The following TTC23L variants were observed in gnomAD, a reference collection of about 807,000 sequenced individuals.
TTC23L encodes the protein tetratricopeptide repeat domain 23 like, also known as tetratricopeptide repeat protein 23-like.
Under a neutral mutation model 48.1 loss-of-function variants are expected in TTC23L, and 42 were observed. That is an observed-to-expected ratio of 0.87 (90% confidence interval 0.68 to 1.13). TTC23L has a LOEUF of 1.13. Among genes scored for constraint, TTC23L ranks in the 50% most tolerant of loss-of-function variants. TTC23L has a pLI of 0.00. For missense variants in TTC23L, 391 were observed against 421.0 expected (o/e 0.93, Z 0.62); for synonymous variants, 159 against 157.2 (o/e 1.01, Z -0.09).
intron 8 of TTC23L, among the ~76,000 whole-genome samples, chr5:34,870,504 T>TTCACCGGGGAATTCTG (rs1761379588): frequency 6.6e-6 from 1 of 152,152 alleles, no homozygotes; most frequent in South Asian, 2.1e-4. Context: ...CCCAGATGAT[T>TTCACCGGGGAATTCTG]TCACCGGGGA....
Position 34,845,582 on chromosome 5 carries a change from A to T in TTC23L, c.164A>T (p.Glu55Val), listed in dbSNP as rs2150347770. 1 of 1,614,038 alleles carries T rather than the reference A, an allele frequency of 6.2e-7. No homozygotes were observed. The change falls in exon 3 of 11, where the codon GAG becomes GTG. Residue 55 changes from glutamate (E) to valine (V), a missense_variant. Physicochemically the swap from Glu to Val is moderately radical, Grantham distance 121. Transcript: ENST00000505624. ...AGTGAAGAGGAAACTAAAGCTAAAG[A>T]GAAGGAGAAGGCCATAGACTGTATG...
intron 4 of TTC23L, among the ~76,000 whole-genome samples, chr5:34,855,847 G>C (rs528771161): frequency 6.6e-6 from 1 of 152,116 alleles, no homozygotes; most frequent in Non-Finnish European, 1.5e-5. Context: ...AACACCAAAG[G>C]GTACACAAGA....
chr5:34,894,883 A>ATG (rs1561160710), intron 9 of TTC23L, among the ~76,000 whole-genome samples: 7,920 of 150,920 alleles, frequency 0.052, 294 homozygotes, highest in South Asian at 0.11. Context: ...TGAGAGTGTT[A>ATG]ATGATGATGA....
chr5:34,857,145 A>G (rs897537488), intron 4 of TTC23L, among the ~76,000 whole-genome samples: 2 of 152,204 alleles, frequency 1.3e-5, no homozygotes, highest in Non-Finnish European at 2.9e-5. Context: ...GTGGACCTCT[A>G]TGGCCCACTG....
At chr5:34,850,622 A>G (rs968042131) in intron 4 of TTC23L, among the ~76,000 whole-genome samples, 1 of 152,190 alleles carries the variant, frequency 6.6e-6, no homozygotes, top group African/African-American at 2.4e-5. Flanking sequence ...ACAGTGGGCA[A>G]AGGGCAGTAT....
At chr5:34,840,236 C>CT (rs1561113448) in intron 1 of TTC23L, among the ~76,000 whole-genome samples, 1 of 28,732 alleles carries the variant, frequency 3.5e-5, no homozygotes, top group Non-Finnish European at 6.7e-5. Context: ...TGAAATGACC[C>CT]CGGGGGGGGG....
chr5:34,874,774 G>A (rs953264596), intron 8 of TTC23L, among the ~76,000 whole-genome samples: 2 of 151,760 alleles, frequency 1.3e-5, no homozygotes, highest in Admixed American at 1.3e-4. Context: ...CAAAAGGTAG[G>A]AAAAGAGTGA....
At chr5:34,908,588 C>G in the TTC23L span, 2 of 546,496 alleles carry the variant, frequency 3.7e-6, no homozygotes, top group Non-Finnish European at 6.5e-6. Context: ...TACATGCCCT[C>G]TACAAAATGG....
chr5:34,872,703 A>G (rs144791183), intron 8 of TTC23L, among the ~76,000 whole-genome samples: 43 of 152,340 alleles, frequency 2.8e-4, no homozygotes, highest in African/African-American at 9.6e-4. Context: ...TAACCCAAAT[A>G]TATATATCAA....
chr5:34,850,037 C>A, intron 3 of TTC23L, 148 bp from the exon 4 acceptor site: 1 of 928,464 alleles, frequency 1.1e-6, no homozygotes, highest in Non-Finnish European at 1.6e-6. Flanking sequence ...TGGATCCAAC[C>A]AGACCTGATG....
intron 10 of TTC23L, among the ~76,000 whole-genome samples, chr5:34,898,753 T>C (rs1763380065): frequency 6.6e-6 from 1 of 152,196 alleles, no homozygotes; most frequent in African/African-American, 2.4e-5. Context: ...AAATTTTGTA[T>C]TTCATATTCT....
chr5:34,911,416 G>A, the TTC23L span: 1 of 1,012,560 alleles, frequency 9.9e-7, no homozygotes, highest in Non-Finnish European at 1.4e-6. Flanking sequence ...ATAAAATTAT[G>A]AGGTAAGAGT....
intron 3 of TTC23L, 147 bp downstream of exon 3, chr5:34,845,820 T>G (rs977895763): frequency 2.5e-6 from 2 of 810,734 alleles, no homozygotes; most frequent in African/African-American, 1.7e-5. Flanking sequence ...AAGCAGAGCC[T>G]ACTTAGGTAG....
chr5:34,851,404 C>T lies in TTC23L; in HGVS notation c.379+1096C>T, dbSNP rs150819059. 1.1e-4 allele frequency among the ~76,000 whole-genome samples: 17 copies of T among 152,284 alleles called. No homozygotes were observed. In the East Asian group the frequency reaches 3.3e-3, roughly 29 times the overall value. On this transcript the variant is annotated intron_variant, in intron 4 of 10. Coordinates refer to ENST00000505624, the Ensembl canonical transcript of TTC23L. ...AGAATATATTCTCCTTCTTAGGGCT[C>T]TATAGGCCCTTTTACACCCATTTAT...
intron 6 of TTC23L, 121 bp downstream of exon 6, chr5:34,864,683 T>G: frequency 7.8e-7 from 1 of 1,283,872 alleles, no homozygotes; most frequent in Non-Finnish European, 1.0e-6. Context: ...TAAAAGAGGC[T>G]CATATTTACC....
the TTC23L span, among the ~76,000 whole-genome samples, chr5:34,917,038 T>C: frequency 6.6e-6 from 1 of 152,044 alleles, no homozygotes; most frequent in Admixed American, 6.6e-5. Context: ...TTTACCCTAG[T>C]ATAATAAGAT....
chr5:34,924,851 T>C, the TTC23L span: 2 of 1,597,346 alleles, frequency 1.3e-6, no homozygotes, highest in East Asian at 2.2e-5. Context: ...TTAAAGATCA[T>C]AGAAGAAGAT....
At chr5:34,915,937 C>T in the TTC23L span, 1 of 1,495,878 alleles carries the variant, frequency 6.7e-7, no homozygotes. Flanking sequence ...GCGGCGGCGG[C>T]TCTGTGCGCC....
At chr5:34,877,094 A>G (rs1053087604) in intron 8 of TTC23L, among the ~76,000 whole-genome samples, 6 of 152,232 alleles carry the variant, frequency 3.9e-5, no homozygotes, top group Non-Finnish European at 5.9e-5. Flanking sequence ...GAATCCATCA[A>G]TGTACAAAAA....
Sources: allele counts gnomAD v4.1 joint callset (sites outside exome capture counted in the v4.1 genomes callset), GRCh38; gene constraint gnomAD v4.1.1; transcripts MANE v1.5; gene names NCBI Gene and HGNC (gene_info 2026-07-23, HGNC 2026-07-21).